BACE1: variants seen among roughly 807,000 people sequenced by gnomAD.
BACE1 encodes the protein beta-secretase 1.
A neutral mutation model predicts 54.0 loss-of-function variants in BACE1; 21 were observed. The ratio of observed to expected loss-of-function variants is 0.39; its 90% CI spans 0.28 to 0.56. BACE1 has a LOEUF of 0.56. BACE1 is among the 20% of genes least tolerant of loss of function. The probability of loss-of-function intolerance (pLI) is 0.63; values close to 1 mark genes in which losing one functional copy is unlikely to be tolerated. For missense variants in BACE1, 511 were observed against 661.2 expected, an observed-to-expected ratio of 0.77 and a Z score of 2.49; for synonymous variants, 232 against 260.9, an observed-to-expected ratio of 0.89 and a Z score of 1.07.
rs1047964 is a variant in BACE1, at chr11:117,286,177, G to C, written c.*3389C>G. ...TTAATTTTTGAAGCAAGAAAGTTAG[G>C]GGGGGACATATTTCCTGTCCTGGGA... On this transcript the variant is annotated 3_prime_UTR_variant, in exon 9 of 9. Transcript: ENST00000313005. 8,118 of 152,664 alleles carry C rather than the reference G, an allele frequency of 0.053. 222 individuals carry two copies. The highest frequency in any genetic ancestry group is 0.099 in the Middle Eastern group (29 of 294). The allele number at this position is 152,664 out of a possible 1,614,324, so 9.5% of individuals were successfully genotyped here.
intron 1 of BACE1, among the ~76,000 whole-genome samples, chr11:117,308,560 C>T (rs2034880949): frequency 6.6e-6 from 1 of 152,226 alleles, no homozygotes; most frequent in Non-Finnish European, 1.5e-5. Context: ...CACTTAGTCT[C>T]TCTGGGTCTC....
chr11:117,307,878 T>G (rs954007031), intron 1 of BACE1, among the ~76,000 whole-genome samples: 2 of 152,298 alleles, frequency 1.3e-5, no homozygotes, highest in South Asian at 4.1e-4. Context: ...GGTAGGCAAC[T>G]TATGGAGCCG....
At chr11:117,303,344 C>A (rs1188962839) in intron 1 of BACE1, among the ~76,000 whole-genome samples, 2 of 152,150 alleles carry the variant, frequency 1.3e-5, no homozygotes, top group Non-Finnish European at 2.9e-5. Flanking sequence ...CAAACGTGTC[C>A]CTGGGGGCCT....
rs541413972 is a variant in BACE1 at position 117,287,727 on chromosome 11, C to G, written c.*1839G>C. On this transcript the variant is annotated 3_prime_UTR_variant, in exon 9 of 9. Coordinates refer to ENST00000313005, the MANE Select transcript of BACE1 (RefSeq NM_012104.6). ...AGTGGACAGTCTCCAGTCTTCCTGT[C>G]AGACTCTGTAGTTATGGGGTGTTCC... 4 of 152,772 alleles carry G rather than the reference C, an allele frequency of 2.6e-5. No homozygotes were observed. The highest frequency in any genetic ancestry group is 9.6e-5 in the African/African-American group (4 of 41,590). 9.5% of individuals were successfully genotyped at this position (152,772 alleles called of 1,614,324 possible).
At position 117,315,717 on chromosome 11, in the gene BACE1, G is replaced by A. The variant is rs1286717636; in HGVS notation, c.79C>T (p.Arg27Trp). 3 of 1,491,864 alleles carry A rather than the reference G, an allele frequency of 2.0e-6. No individual in the cohort carries two copies. The highest frequency in any genetic ancestry group is 1.8e-4 in the Middle Eastern group (1 of 5,540). The allele number at this position is 1,491,864 out of a possible 1,614,324, so 92.4% of individuals were successfully genotyped here. A position where few individuals can be genotyped will look rare whatever the true frequency, so the allele number is the denominator to read the frequency against. Reference sequence around the variant, plus strand: ...CCCAGGCCGCTGCGCAGGGGCAGCCGGATGCCGTGCTGGGTGCCGTGGGCA... The same window carrying A: ...CCCAGGCCGCTGCGCAGGGGCAGCCAGATGCCGTGCTGGGTGCCGTGGGCA... ...LPAHGTQHGI[R>W]LPLRSGLGGA... The change falls in exon 1 of 9, where the codon CGG becomes TGG. Residue 27 changes from arginine (R) to tryptophan (W), a missense_variant. Arg to Trp is a moderately radical substitution (Grantham distance 101). This residue lies in a region of BACE1 where 104 missense variants were observed against 95.5 expected (regional missense o/e 1.09). Coordinates refer to ENST00000313005, the MANE Select transcript of BACE1 (RefSeq NM_012104.6). This position sits in a 1 kb window ranked among gnomAD's most constrained non-coding sequence, Gnocchi z 5.5.
Position 117,291,110 on chromosome 11 carries a change from A to G in BACE1, c.943-61T>C, listed in dbSNP as rs143806709. The G allele has an allele frequency of 2.0e-3, 3,163 of 1,574,590 alleles. 37 individuals carry two copies. The African/African-American group carries it at 0.032, about 16-fold the overall frequency. ...GCCTCTTTATCATCTCGCCCCTCCC[A>G]TGTTCAGATACATTAACTGGGCCCT... On this transcript the variant is annotated intron_variant, in intron 6 of 8. Transcript: ENST00000313005.
At chr11:117,294,219 C>CTTT in intron 3 of BACE1, 7 of 277,392 alleles carry the variant, frequency 2.5e-5, no homozygotes, top group South Asian at 1.8e-4. Flanking sequence ...ATTCATAGAT[C>CTTT]TTTTTTTTTT....
chr11:117,314,294 C>G (rs563203735), intron 1 of BACE1, among the ~76,000 whole-genome samples: 1 of 152,244 alleles, frequency 6.6e-6, no homozygotes, highest in East Asian at 1.9e-4. Context: ...TTATGGTGCA[C>G]AGGAAAGAGG....
Position 117,315,544 on chromosome 11 carries a change from G to T in BACE1, c.252C>A (p.Pro84=), listed in dbSNP as rs772277399. The T allele has an allele frequency of 1.3e-6, 2 of 1,582,756 alleles. No homozygotes were observed. The highest frequency in any genetic ancestry group is 3.6e-5 in the Admixed American group (2 of 55,710). ...GYYVEMTVGS[P]PQTLNILVDT... ...GGCCTGACCACCTTACCGTCTGCGG[G>T]GGGCTGCCCACGGTCATCTCCACGT... The change falls in exon 1 of 9, where the codon CCC becomes CCA. Residue 84 remains proline (P), a synonymous_variant. Coordinates refer to ENST00000313005, the MANE Select transcript of BACE1 (RefSeq NM_012104.6). The surrounding 1 kb of genome is among the most constrained non-coding windows in gnomAD (Gnocchi z 5.5).
At chr11:117,298,062 G>A (rs1459749902) in intron 1 of BACE1, among the ~76,000 whole-genome samples, 1 of 152,188 alleles carries the variant, frequency 6.6e-6, no homozygotes, top group Non-Finnish European at 1.5e-5. Context: ...AACACTTTGA[G>A]AGGCTAAGGC....
chr11:117,290,480 A>T lies in BACE1; in HGVS notation c.1264+8T>A. The T allele has an allele frequency of 6.2e-7, 1 of 1,613,686 alleles. No individual in the cohort carries two copies. On this transcript the variant is annotated splice_region_variant and intron_variant, in intron 8 of 8. Coordinates refer to ENST00000313005, the MANE Select transcript of BACE1 (RefSeq NM_012104.6). ...CTGACCCCAAACCCTCAGCCCTGGC[A>T]CTCTCACCATGGCAAGCGCTGACAG...
Position 117,292,848 on chromosome 11 carries a change from T to G in BACE1, c.840+206A>C, listed in dbSNP as rs2034483487. On this transcript the variant is annotated intron_variant, in intron 5 of 8. Coordinates refer to ENST00000313005, the MANE Select transcript of BACE1 (RefSeq NM_012104.6). ...CAGACATCAGAACTAGTTCCATGTT[T>G]TTTTTTTCACTACCAGTCCCTAGGC... is the stretch of plus-strand genomic sequence containing the variant. 2.0e-5 allele frequency: 11 copies of G among 540,774 alleles called. No individual in the cohort carries two copies. In the South Asian group the frequency reaches 2.9e-4, roughly 14 times the overall value. 33.5% of individuals were successfully genotyped at this position (540,774 alleles called of 1,614,324 possible). A position where few individuals can be genotyped will look rare whatever the true frequency, so the allele number is the denominator to read the frequency against.
At position 117,295,220 on chromosome 11, in the gene BACE1, T is replaced by C. The variant is rs746346597; in HGVS notation, c.478A>G (p.Ile160Val). ...TTGTCTGATTCAGTGATGGCAGCAA[T>C]GTTGGCACGCACAGTGACGTTGGGG... ...HGPNVTVRANIAAITESDKFF... is the reference protein window; with the variant it reads ...HGPNVTVRANVAAITESDKFF... Residue 160 changes from isoleucine to valine, a missense_variant, in exon 3 of 9, where the codon ATT becomes GTT. Coordinates refer to ENST00000313005, the MANE Select transcript of BACE1 (RefSeq NM_012104.6). The C allele has an allele frequency of 1.2e-6, 2 of 1,614,180 alleles. No homozygotes were observed. The highest frequency in any genetic ancestry group is 1.7e-6 in the Non-Finnish European group (2 of 1,180,024).
chr11:117,310,249 A>G (rs1472735608), intron 1 of BACE1, among the ~76,000 whole-genome samples: 1 of 151,952 alleles, frequency 6.6e-6, no homozygotes, highest in Non-Finnish European at 1.5e-5. Context: ...TCTAAGAGCT[A>G]CAGTTCTGCA....
intron 1 of BACE1, among the ~76,000 whole-genome samples, chr11:117,313,865 T>C (rs1015589505): frequency 1.3e-5 from 2 of 152,238 alleles, no homozygotes; most frequent in African/African-American, 4.8e-5. Context: ...GCTGGTGTAT[T>C]GTTCTGGGTG....
chr11:117,297,008 G>C (rs375337325), intron 1 of BACE1, 47 bp from the exon 2 acceptor site: 41 of 1,398,290 alleles, frequency 2.9e-5, no homozygotes, highest in Admixed American at 5.1e-5. Context: ...AGGAGGCTTC[G>C]GTCACACCAC....
At position 117,286,783 on chromosome 11, in the gene BACE1, A is replaced by C. The variant is rs2034273598; in HGVS notation, c.*2783T>G. 6.6e-6 allele frequency: 1 copy of C among 152,556 alleles called. No homozygotes were observed. The highest frequency in any genetic ancestry group is 1.5e-5 in the Non-Finnish European group (1 of 68,054). 9.5% of individuals were successfully genotyped at this position (152,556 alleles called of 1,614,324 possible). A position where few individuals can be genotyped will look rare whatever the true frequency, so the allele number is the denominator to read the frequency against. On this transcript the variant is annotated 3_prime_UTR_variant, in exon 9 of 9. Coordinates refer to ENST00000313005, the MANE Select transcript of BACE1 (RefSeq NM_012104.6). ...CCTTGGCATCTTGTAGGGTGATTGG[A>C]GTGGCCTGAGTACTCAGCTCTTCAG...
chr11:117,300,798 C>A (rs549340710), intron 1 of BACE1, among the ~76,000 whole-genome samples: 1 of 152,148 alleles, frequency 6.6e-6, no homozygotes, highest in East Asian at 1.9e-4. Flanking sequence ...ACAGCCACCC[C>A]ACCCTGGCCC....
intron 6 of BACE1, 32 bp downstream of exon 6, chr11:117,291,680 A>G (rs2134447795): frequency 6.7e-7 from 1 of 1,494,736 alleles, no homozygotes; most frequent in South Asian, 1.1e-5. Context: ...ACACTGTACC[A>G]TCTCTTTTAC....
Sources: gnomAD v4.1 joint callset for allele counts (sites outside exome capture counted in the v4.1 genomes callset) on GRCh38, gnomAD v4.1.1 for gene constraint, gnomAD v4.1.1 regional missense constraint, Gnocchi (gnomAD v3.1) non-coding constraint, MANE v1.5 for transcripts, NCBI Gene and HGNC (gene_info 2026-07-23, HGNC 2026-07-21) for gene names.